The following KCNIP4 variants were observed in gnomAD, a reference collection of about 807,000 sequenced individuals.
KCNIP4 encodes the protein potassium voltage-gated channel interacting protein 4.
In KCNIP4, 12 loss-of-function variants were observed where a neutral mutation model predicts 34.0. That is an observed-to-expected ratio of 0.35 (90% CI 0.23 to 0.57). The LOEUF (loss-of-function observed/expected upper bound fraction) is 0.57. Ranked by LOEUF, KCNIP4 falls within the 20% of genes least tolerant of loss-of-function variation. KCNIP4 has a pLI of 0.83. For synonymous variants in KCNIP4, 124 were observed against 102.2 expected (o/e 1.21, Z -1.29); for missense variants, 238 against 311.7 (o/e 0.76, Z 1.78).
chr4:21,639,636 T>C (rs1746471545), intron 1 of KCNIP4, among the ~76,000 whole-genome samples: 1 of 152,186 alleles, frequency 6.6e-6, no homozygotes, highest in Non-Finnish European at 1.5e-5. Context: ...TTCTAGGACA[T>C]TTAATTTAAA....
intron 1 of KCNIP4, among the ~76,000 whole-genome samples, chr4:21,670,963 CTT>C (rs1168451300): frequency 0.015 from 2,058 of 139,530 alleles, 43 homozygotes; most frequent in African/African-American, 0.049. Flanking sequence ...GCTGAGTAAA[CTT>C]TTTTTTTTTT....
chr4:21,386,779 T>A (rs1722073349), intron 1 of KCNIP4, among the ~76,000 whole-genome samples: 2 of 152,272 alleles, frequency 1.3e-5, no homozygotes, highest in Admixed American at 6.5e-5. Flanking sequence ...ACTCTATAGA[T>A]CTTTGGAGGG....
intron 1 of KCNIP4, among the ~76,000 whole-genome samples, chr4:21,256,604 G>GA (rs974793143): frequency 2.6e-5 from 4 of 151,402 alleles, no homozygotes; most frequent in East Asian, 3.9e-4. Context: ...CTCAAGAAAA[G>GA]AAAAAAAAGA....
chr4:21,567,575 T>G (rs1740009128), intron 1 of KCNIP4, among the ~76,000 whole-genome samples: 1 of 152,170 alleles, frequency 6.6e-6, no homozygotes, highest in Admixed American at 6.6e-5. Context: ...CTATTTGGAT[T>G]TTCTGATGTG....
intron 2 of KCNIP4, chr4:20,850,892 A>C (rs111398533): frequency 1.2e-5 from 5 of 400,366 alleles, no homozygotes; most frequent in African/African-American, 7.8e-5. Flanking sequence ...TAATGTAGAT[A>C]TTACAACCCT....
chr4:21,001,801 T>C (rs1411928898), intron 1 of KCNIP4, among the ~76,000 whole-genome samples: 1 of 152,212 alleles, frequency 6.6e-6, no homozygotes, highest in Non-Finnish European at 1.5e-5. Flanking sequence ...ACACAATTTA[T>C]TGGTGCTGGG....
chr4:21,764,068 G>A (rs1718236580), intron 1 of KCNIP4, among the ~76,000 whole-genome samples: 2 of 152,126 alleles, frequency 1.3e-5, no homozygotes, highest in Non-Finnish European at 2.9e-5. Flanking sequence ...AACAATAGAA[G>A]GAAAGCAGTA....
rs1714032681 is a variant in KCNIP4 at position 21,714,785 on chromosome 4, G to GATTATCTATTTTATTTT, written c.61+233785_61+233786insAAAATAAAATAGATAAT. 9.2e-5 allele frequency among the ~76,000 whole-genome samples: 4 copies of GATTATCTATTTTATTTT among 43,388 alleles called. 1 individual carries two copies. Among genetic ancestry groups the GATTATCTATTTTATTTT allele is most frequent in the African/African-American group, 4.0e-4 (2 of 5,002 alleles). The allele number at this position is 43,388 out of a possible 152,430, so 28.5% of individuals were successfully genotyped here. ...AAGAATGTGTTAGTAATTTCCCTTT[G>GATTATCTATTTTATTTT]ATTATTTTATTTTATTTTATTTTAT... On this transcript the variant is annotated intron_variant, in intron 1 of 8. Transcript: ENST00000382152.
At chr4:21,126,388 T>G (rs575240166) in intron 1 of KCNIP4, among the ~76,000 whole-genome samples, 1 of 152,224 alleles carries the variant, frequency 6.6e-6, no homozygotes, top group African/African-American at 2.4e-5. Context: ...CCTGGTGATT[T>G]CTTTTGGTAG....
intron 1 of KCNIP4, among the ~76,000 whole-genome samples, chr4:21,783,037 A>G (rs1221037534): frequency 6.6e-6 from 1 of 152,160 alleles, no homozygotes; most frequent in Non-Finnish European, 1.5e-5. Flanking sequence ...GTAATGATAA[A>G]TGGGTAGAAT....
intron 1 of KCNIP4, among the ~76,000 whole-genome samples, chr4:21,914,887 G>A (rs1300045086): frequency 2.0e-5 from 3 of 152,176 alleles, no homozygotes; most frequent in African/African-American, 4.8e-5. Context: ...ATGAGCAGAG[G>A]AACTGGGTAA....
intron 1 of KCNIP4, among the ~76,000 whole-genome samples, chr4:20,894,115 A>G (rs1726244361): frequency 6.6e-6 from 1 of 152,126 alleles, no homozygotes; most frequent in South Asian, 2.1e-4. Flanking sequence ...TCCTGACCTC[A>G]AGTGATCCGC....
At chr4:21,497,831 T>G (rs925081308) in intron 1 of KCNIP4, among the ~76,000 whole-genome samples, 3 of 152,266 alleles carry the variant, frequency 2.0e-5, no homozygotes, top group Admixed American at 2.0e-4. Context: ...ATAGTTATTC[T>G]AAAGTAAATA....
intron 1 of KCNIP4, among the ~76,000 whole-genome samples, chr4:21,137,891 T>TTTTTG (rs397992493): frequency 3.4e-5 from 5 of 147,410 alleles, no homozygotes; most frequent in African/African-American, 1.3e-4. Flanking sequence ...TTTTTTTTTT[T>TTTTTG]GATGGAGTCT....
At chr4:21,907,097 C>T (rs1728047254) in intron 1 of KCNIP4, among the ~76,000 whole-genome samples, 1 of 152,082 alleles carries the variant, frequency 6.6e-6, no homozygotes, top group Admixed American at 6.6e-5. Flanking sequence ...GTGTCCCCCA[C>T]AATTCACGTG....
intron 1 of KCNIP4, among the ~76,000 whole-genome samples, chr4:21,113,144 A>G (rs7356371): frequency 0.29 from 44,229 of 152,140 alleles, 7,088 homozygotes; most frequent in African/African-American, 0.44. Context: ...CAATTACAGC[A>G]GGGAGATGAG....
chr4:20,757,960 T>C (rs972820308), intron 4 of KCNIP4, among the ~76,000 whole-genome samples: 2 of 152,172 alleles, frequency 1.3e-5, no homozygotes, highest in Non-Finnish European at 2.9e-5. Context: ...AATATTATTT[T>C]TTAACTCCCA....
At chr4:21,081,407 T>C (rs946730681) in intron 1 of KCNIP4, among the ~76,000 whole-genome samples, 1 of 151,744 alleles carries the variant, frequency 6.6e-6, no homozygotes, top group Non-Finnish European at 1.5e-5. Flanking sequence ...ACTTTCATCA[T>C]GGGTATGGGG....
intron 1 of KCNIP4, chr4:21,656,599 T>C (rs943039586): frequency 1.1e-4 from 16 of 152,210 alleles, no homozygotes; most frequent in African/African-American, 3.9e-4. Flanking sequence ...CTTCATCTCA[T>C]TGCTTTTCAG....
Sources: gnomAD v4.1 joint callset for allele counts (sites outside exome capture counted in the v4.1 genomes callset) on GRCh38, gnomAD v4.1.1 for gene constraint, MANE v1.5 for transcripts, NCBI Gene and HGNC (gene_info 2026-07-23, HGNC 2026-07-21) for gene names.